GON4L: variants seen among roughly 807,000 people sequenced by gnomAD.
The protein encoded by GON4L is gon-4 like.
Under a neutral mutation model 211.8 loss-of-function variants are expected in GON4L, and 87 were observed. The observed-to-expected ratio is 0.41, with a 90% confidence interval of 0.35 to 0.49. GON4L has a LOEUF of 0.49. GON4L is among the 20% of genes least tolerant of loss of function. GON4L has a pLI of 0.15. For synonymous variants in GON4L, 875 were observed against 962.6 expected, an observed-to-expected ratio of 0.91 and a Z score of 1.68; for missense variants, 2,155 against 2,659.5, an observed-to-expected ratio of 0.81 and a Z score of 4.17.
Position 155,752,461 on chromosome 1 carries a change from A to G in GON4L, c.5972T>C (p.Leu1991Pro), listed in dbSNP as rs1557818282. 2 of 1,569,692 alleles carry G rather than the reference A, an allele frequency of 1.3e-6. No individual in the cohort carries two copies. The highest frequency in any genetic ancestry group is 2.4e-5 in the East Asian group (1 of 42,488). Residue 1991 changes from leucine (L) to proline (P), a missense_variant, in exon 30 of 32, where the codon CTG (leucine) becomes CCG (proline). Physicochemically the swap from Leu to Pro is moderately conservative, Grantham distance 98 (BLOSUM62 -3). Coordinates refer to ENST00000368331, the MANE Select transcript of GON4L (RefSeq NM_001282860.2). ...AACCTGGTTTCTCTTAACAGTGTAC[A>G]GTACAGCTCCAGTTGTGGGGGGAAA... The part of the protein sequence containing the change: ...PQFPPTTGAV[L>P]YTVKRNQVGP...
intron 2 of GON4L, among the ~76,000 whole-genome samples, chr1:155,843,477 AC>A (rs1670961894): frequency 6.6e-6 from 1 of 151,452 alleles, no homozygotes; most frequent in South Asian, 2.1e-4. Context: ...CTCTCCAACC[AC>A]CCTCCTACCC....
intron 23 of GON4L, 78 bp downstream of exon 23, chr1:155,762,112 T>C (rs1281877653): frequency 1.2e-5 from 14 of 1,183,806 alleles, no homozygotes; most frequent in Non-Finnish European, 1.7e-5. Context: ...AAACAGACTT[T>C]ATGTTGAAAA....
At chr1:155,773,471 T>TA (rs1169982456) in intron 17 of GON4L, 1 of 481,594 alleles carries the variant, frequency 2.1e-6, no homozygotes, top group Non-Finnish European at 3.8e-6. Flanking sequence ...AACAAACACT[T>TA]AAAAAGCACC....
chr1:155,755,147 C>T (rs777012475), intron 27 of GON4L, among the ~76,000 whole-genome samples: 7 of 148,766 alleles, frequency 4.7e-5, no homozygotes, highest in African/African-American at 1.2e-4. Context: ...CTCAGCTTAG[C>T]GCAACTTCCA....
intron 17 of GON4L, chr1:155,773,416 G>T (rs1663416219): frequency 1.7e-6 from 1 of 587,374 alleles, no homozygotes; most frequent in Admixed American, 3.0e-5. Flanking sequence ...GGCAATAAAA[G>T]TTGACTCATT....
intron 12 of GON4L, among the ~76,000 whole-genome samples, chr1:155,794,357 C>T (rs923343600): frequency 1.3e-5 from 2 of 152,218 alleles, no homozygotes; most frequent in African/African-American, 4.8e-5. Context: ...CAGGCGTGAG[C>T]CACCATGCCC....
At chr1:155,756,358 T>C (rs1661178642) in intron 27 of GON4L, among the ~76,000 whole-genome samples, 1 of 152,150 alleles carries the variant, frequency 6.6e-6, no homozygotes, top group Non-Finnish European at 1.5e-5. Flanking sequence ...AAAAGTTGAA[T>C]TAAGGGTAAT....
At chr1:155,762,525 C>T (rs1661924891) in intron 22 of GON4L, among the ~76,000 whole-genome samples, 151 bp from the exon 23 acceptor site, 1 of 152,210 alleles carries the variant, frequency 6.6e-6, no homozygotes, top group Non-Finnish European at 1.5e-5. Context: ...AGAACTAAGT[C>T]CGTCAAGTCA....
At chr1:155,836,717 T>C (rs1359552744) in intron 2 of GON4L, among the ~76,000 whole-genome samples, 2 of 152,254 alleles carry the variant, frequency 1.3e-5, no homozygotes, top group Non-Finnish European at 2.9e-5. Flanking sequence ...ACGTCCTTTG[T>C]AATTTACTTT....
chr1:155,754,596 G>A (rs1265691325), intron 27 of GON4L, 108 bp from the exon 28 acceptor site: 1 of 652,410 alleles, frequency 1.5e-6, no homozygotes, highest in East Asian at 2.7e-5. Flanking sequence ...GTGGCACGAT[G>A]TCAGCTCACC....
At chr1:155,803,762 T>C (rs1366728003) in intron 11 of GON4L, among the ~76,000 whole-genome samples, 1 of 152,196 alleles carries the variant, frequency 6.6e-6, no homozygotes, top group Non-Finnish European at 1.5e-5. Context: ...CTTGTTCCCC[T>C]GGATTTTATA....
In GON4L at chr1:155,766,294, A is replaced by T. The variant is rs776280997; in HGVS notation, c.3179T>A (p.Val1060Asp). Residue 1060 changes from valine (V) to aspartate (D), a missense_variant, in exon 21 of 32, where the codon GTC becomes GAC. Transcript: ENST00000368331. ...AGACTCAAAACTCTCACCTCCACTG[A>T]CCCCCAGTGGAGGGACACCTGGAAC... Reference protein sequence around the residue: ...QTVPGVPPLGVSGGESFESPA... With the variant: ...QTVPGVPPLGDSGGESFESPA... The T allele has an allele frequency of 6.2e-7, 1 of 1,613,760 alleles. No homozygotes were observed. The highest frequency in any genetic ancestry group is 2.2e-5 in the East Asian group (1 of 44,860).
intron 10 of GON4L, among the ~76,000 whole-genome samples, chr1:155,810,747 A>C (rs1667689143): frequency 1.3e-5 from 2 of 151,350 alleles, no homozygotes; most frequent in Admixed American, 6.6e-5. Context: ...GGCCAGGCGC[A>C]GTGGCTCATG....
At chr1:155,760,208 G>C (rs1661648757) in intron 24 of GON4L, among the ~76,000 whole-genome samples, 1 of 151,892 alleles carries the variant, frequency 6.6e-6, no homozygotes, top group South Asian at 2.1e-4. Flanking sequence ...ACTCACCTAA[G>C]GTGTCCTTTG....
Position 155,849,135 on chromosome 1 carries a change from C to T in GON4L, c.505+4141G>A, listed in dbSNP as rs545092525. Reference sequence around the variant, plus strand: ...TGCCCTCCAGCCTAAACAACAGAGACTCCATCTCAAAAAAAAAAAAAAAAA... The same window carrying T: ...TGCCCTCCAGCCTAAACAACAGAGATTCCATCTCAAAAAAAAAAAAAAAAA... On this transcript the variant is annotated intron_variant, in intron 2 of 31. Transcript: ENST00000368331. Among the ~76,000 whole-genome samples the T allele has an allele frequency of 5.5e-4, 61 of 110,108 alleles. 1 individual carries two copies. In the East Asian group the frequency reaches 0.01, roughly 18 times the overall value. The allele number at this position is 110,108 out of a possible 152,430, so 72.2% of individuals were successfully genotyped here.
intron 2 of GON4L, among the ~76,000 whole-genome samples, chr1:155,847,621 G>C (rs974937610): frequency 2.0e-5 from 3 of 152,134 alleles, no homozygotes; most frequent in Admixed American, 6.5e-5. Context: ...AGAATCGCTT[G>C]AACCCAGGAG....
chr1:155,776,920 T>C (rs542882054), intron 15 of GON4L, among the ~76,000 whole-genome samples: 4 of 152,232 alleles, frequency 2.6e-5, no homozygotes, highest in Admixed American at 1.3e-4. Flanking sequence ...GAAAGGAGTA[T>C]GAAAATAACA....
intron 10 of GON4L, among the ~76,000 whole-genome samples, chr1:155,812,105 A>C (rs1452044087): frequency 6.6e-6 from 1 of 152,100 alleles, no homozygotes; most frequent in African/African-American, 2.4e-5. Context: ...CCCACATGAT[A>C]TATACTAATT....
chr1:155,762,040 A>T, intron 23 of GON4L, 150 bp downstream of exon 23: 1 of 619,544 alleles, frequency 1.6e-6, no homozygotes, highest in Non-Finnish European at 2.9e-6. Flanking sequence ...TGGTTCTGTC[A>T]CAGAGATCTT....
Sources: allele counts gnomAD v4.1 joint callset (sites outside exome capture counted in the v4.1 genomes callset), GRCh38; gene constraint gnomAD v4.1.1; transcripts MANE v1.5; gene names NCBI Gene and HGNC (gene_info 2026-07-23, HGNC 2026-07-21).